The following GABRB2 variants were observed in gnomAD, a reference collection of about 807,000 sequenced individuals.
The protein encoded by GABRB2 is gamma-aminobutyric acid type A receptor subunit beta2, also known as gamma-aminobutyric acid receptor subunit beta-2.
A neutral mutation model predicts 54.7 loss-of-function variants in GABRB2; 16 were observed. The ratio of observed to expected loss-of-function variants is 0.29; its 90% CI spans 0.20 to 0.44. The LOEUF is 0.44. GABRB2 is among the 20% of genes least tolerant of loss of function. GABRB2 has a pLI of 1.00. For missense variants in GABRB2, 355 were observed against 644.0 expected (o/e 0.55, Z 4.86); for synonymous variants, 244 against 233.8 (o/e 1.04, Z -0.40).
chr5:161,482,081 CCT>C (rs1463109627), intron 3 of GABRB2, among the ~76,000 whole-genome samples: 2 of 152,014 alleles, frequency 1.3e-5, no homozygotes, highest in African/African-American at 2.4e-5. Flanking sequence ...ATGGGATTCC[CCT>C]GTCTCAAACT....
chr5:161,440,153 C>T (rs568102447), intron 4 of GABRB2, among the ~76,000 whole-genome samples: 1 of 147,384 alleles, frequency 6.8e-6, no homozygotes, highest in Admixed American at 6.8e-5. Flanking sequence ...ATCACCTTCA[C>T]AAAAGGGAGA....
chr5:161,463,576 T>TATATATATATATAG (rs1758190924), intron 3 of GABRB2, among the ~76,000 whole-genome samples: 7 of 122,780 alleles, frequency 5.7e-5, no homozygotes, highest in Non-Finnish European at 8.6e-5. Context: ...TATATATATA[T>TATATATATATATAG]ATATATATAT....
intron 9 of GABRB2, among the ~76,000 whole-genome samples, chr5:161,314,049 C>T (rs2113369317): frequency 6.6e-6 from 1 of 152,360 alleles, no homozygotes; most frequent in Middle Eastern, 3.4e-3. Context: ...CTGAAAGGCT[C>T]TCACGGGAAT....
intron 3 of GABRB2, among the ~76,000 whole-genome samples, chr5:161,526,958 T>G (rs1760301135): frequency 1.3e-5 from 2 of 151,466 alleles, no homozygotes; most frequent in Admixed American, 1.3e-4. Context: ...TATTCCTCAA[T>G]AAATTTTAAA....
At chr5:161,411,534 A>G (rs905295025) in intron 4 of GABRB2, among the ~76,000 whole-genome samples, 1 of 152,110 alleles carries the variant, frequency 6.6e-6, no homozygotes, top group African/African-American at 2.4e-5. Context: ...AGTATTTTGC[A>G]GTGCTTTAAT....
At chr5:161,482,972 AAT>A (rs1207158292) in intron 3 of GABRB2, among the ~76,000 whole-genome samples, 17 of 152,056 alleles carry the variant, frequency 1.1e-4, no homozygotes, top group African/African-American at 4.1e-4. Context: ...TTTTTCAAAA[AAT>A]ATGTGTCATG....
In GABRB2 at chr5:161,503,172, C is replaced by G. The variant is rs113494295; in HGVS notation, c.237+42055G>C. Among the ~76,000 whole-genome samples the G allele has an allele frequency of 1.2e-4, 18 of 151,102 alleles. 1 individual carries two copies. Among genetic ancestry groups the G allele is most frequent in the African/African-American group, 4.4e-4 (18 of 41,158 alleles). On this transcript the variant is annotated intron_variant, in intron 3 of 9. Coordinates refer to ENST00000393959, the MANE Select transcript of GABRB2 (RefSeq NM_001371727.1). Reference sequence around the variant, plus strand: ...AAATTTTGGTATTCTTAGATAAAGACTTTAAAAGAGTTTTTATACATATTT... The same window carrying G: ...AAATTTTGGTATTCTTAGATAAAGAGTTTAAAAGAGTTTTTATACATATTT...
intron 4 of GABRB2, among the ~76,000 whole-genome samples, chr5:161,433,742 T>C (rs185623214): frequency 1.3e-5 from 2 of 152,202 alleles, no homozygotes; most frequent in Non-Finnish European, 2.9e-5. Context: ...TTATTAAAAT[T>C]GTCCCTAAAA....
At chr5:161,347,778 A>C (rs1754361608) in intron 5 of GABRB2, among the ~76,000 whole-genome samples, 1 of 152,066 alleles carries the variant, frequency 6.6e-6, no homozygotes, top group Non-Finnish European at 1.5e-5. Flanking sequence ...TTAATCTACT[A>C]GGTTTTGGGT....
intron 4 of GABRB2, among the ~76,000 whole-genome samples, chr5:161,425,600 T>C (rs1756975852): frequency 1.3e-5 from 2 of 152,128 alleles, no homozygotes; most frequent in African/African-American, 4.8e-5. Flanking sequence ...TTTTTGTGCA[T>C]TGGGAAACAA....
chr5:161,306,934 T>C (rs1400742374), intron 9 of GABRB2, among the ~76,000 whole-genome samples: 1 of 151,816 alleles, frequency 6.6e-6, no homozygotes, highest in African/African-American at 2.4e-5. Flanking sequence ...CTAAGGGGAG[T>C]GTGATTATGG....
At chr5:161,453,562 T>C (rs372017070) in intron 4 of GABRB2, among the ~76,000 whole-genome samples, 1 of 152,186 alleles carries the variant, frequency 6.6e-6, no homozygotes, top group East Asian at 1.9e-4. Flanking sequence ...TGCTGGTGAC[T>C]TCATTTTGGA....
intron 4 of GABRB2, among the ~76,000 whole-genome samples, chr5:161,423,741 T>G: frequency 6.6e-6 from 1 of 152,142 alleles, no homozygotes; most frequent in South Asian, 2.1e-4. Context: ...AAGAAAGATT[T>G]CCATGTGTAC....
rs1332955523 is a variant in GABRB2, at chr5:161,289,226, G to A, written c.*4855C>T. On this transcript the variant is annotated 3_prime_UTR_variant, in exon 10 of 10. Transcript: ENST00000393959. ...CCAAAAACCTAGTAGCTTTTTAAGA[G>A]TGCTGCTTTTTTTTTTTTTTTTTGT... 1 of 76,220 alleles carries A rather than the reference G, an allele frequency of 1.3e-5. No individual in the cohort carries two copies. The highest frequency in any genetic ancestry group is 3.9e-4 in the East Asian group (1 of 2,588). 4.7% of individuals were successfully genotyped at this position (76,220 alleles called of 1,614,324 possible). A position where few individuals can be genotyped will look rare whatever the true frequency, so the allele number is the denominator to read the frequency against.
intron 4 of GABRB2, among the ~76,000 whole-genome samples, chr5:161,454,931 A>C (rs569284128): frequency 6.6e-6 from 1 of 152,352 alleles, no homozygotes; most frequent in South Asian, 2.1e-4. Context: ...TTTCATACTG[A>C]AAAGCAAAGG....
At chr5:161,333,259 A>T (rs1215758876) in intron 7 of GABRB2, among the ~76,000 whole-genome samples, 1 of 152,212 alleles carries the variant, frequency 6.6e-6, no homozygotes, top group African/African-American at 2.4e-5. Flanking sequence ...ACTGAGCACC[A>T]TTCCCCATGC....
At chr5:161,353,023 T>C (rs1754519368) in intron 5 of GABRB2, among the ~76,000 whole-genome samples, 1 of 152,030 alleles carries the variant, frequency 6.6e-6, no homozygotes, top group Admixed American at 6.6e-5. Flanking sequence ...CATGTTGTTC[T>C]AAGAACTATA....
chr5:161,409,364 C>T (rs1756439770), intron 5 of GABRB2, among the ~76,000 whole-genome samples: 1 of 145,404 alleles, frequency 6.9e-6, no homozygotes, highest in Non-Finnish European at 1.6e-5. Flanking sequence ...AAAGAATTAT[C>T]ATGTTAATTT....
At chr5:161,363,538 A>G (rs978187067) in intron 5 of GABRB2, among the ~76,000 whole-genome samples, 1 of 145,224 alleles carries the variant, frequency 6.9e-6, no homozygotes. Context: ...AAAAAAATTA[A>G]TTTTTTTAAA....
Sources: allele counts gnomAD v4.1 joint callset (sites outside exome capture counted in the v4.1 genomes callset), GRCh38; gene constraint gnomAD v4.1.1; transcripts MANE v1.5; gene names NCBI Gene and HGNC (gene_info 2026-07-23, HGNC 2026-07-21).